The following DTNA variants were observed in gnomAD, a reference collection of about 807,000 sequenced individuals.
DTNA encodes the protein dystrophin-related protein 3.
Under a neutral mutation model 100.7 loss-of-function variants are expected in DTNA, and 43 were observed. The ratio of observed to expected loss-of-function variants is 0.43; its 90% CI spans 0.33 to 0.55. The LOEUF (loss-of-function observed/expected upper bound fraction) is 0.55, where lower values mean the gene tolerates loss of function less well. Among genes scored for constraint, DTNA ranks in the 20% least tolerant of loss-of-function variants. The pLI is 0.04. For synonymous variants in DTNA, 349 were observed against 347.9 expected (o/e 1.00, Z -0.04); for missense variants, 798 against 953.9 (o/e 0.84, Z 2.15).
rs2059013433 is a variant in DTNA, at chr18:34,639,374, A to G, written c.-1-116602A>G. On this transcript the variant is annotated intron_variant, in intron 1 of 19. Coordinates refer to the DTNA transcript ENST00000283365. ...TGCCAAGTGTCCTCTGGAGAGAAAC[A>G]GCAAAATTGCTCCTGGTTGAGACCC... Among the ~76,000 whole-genome samples, 3 of 152,226 alleles carry G rather than the reference A, an allele frequency of 2.0e-5. No individual in the cohort carries two copies. The South Asian group carries it at 6.2e-4, about 32-fold the overall frequency.
At chr18:34,679,086 T>C (rs16965755) in intron 1 of DTNA, among the ~76,000 whole-genome samples, 3,706 of 152,216 alleles carry the variant, frequency 0.024, 173 homozygotes, top group African/African-American at 0.085. Flanking sequence ...CCCAGAAAAC[T>C]ATCTACTTGG....
chr18:34,820,154 A>G (rs1191698181), intron 8 of DTNA, among the ~76,000 whole-genome samples: 1 of 152,034 alleles, frequency 6.6e-6, no homozygotes, highest in African/African-American at 2.4e-5. Flanking sequence ...TTAAATTCTG[A>G]AGACTCAGAT....
At chr18:34,683,308 A>G (rs1420967556) in intron 1 of DTNA, among the ~76,000 whole-genome samples, 3 of 152,178 alleles carry the variant, frequency 2.0e-5, no homozygotes, top group African/African-American at 4.8e-5. Flanking sequence ...TAACTAATCA[A>G]TTCACTCTGT....
chr18:34,649,847 A>C (rs1444256898), intron 1 of DTNA, among the ~76,000 whole-genome samples: 1 of 152,136 alleles, frequency 6.6e-6, no homozygotes, highest in African/African-American at 2.4e-5. Context: ...TCACTTCAAG[A>C]TTATGCTATA....
intron 1 of DTNA, among the ~76,000 whole-genome samples, chr18:34,611,175 A>C (rs2054141179): frequency 6.6e-6 from 1 of 152,174 alleles, no homozygotes; most frequent in Non-Finnish European, 1.5e-5. Flanking sequence ...AACTCCCACA[A>C]AAAAAAATTC....
At chr18:34,553,204 T>C (rs2045640938) in intron 1 of DTNA, among the ~76,000 whole-genome samples, 5 of 152,032 alleles carry the variant, frequency 3.3e-5, no homozygotes, top group Non-Finnish European at 7.4e-5. Context: ...TCATGTCTTT[T>C]GCCCACTTTT....
intron 17 of DTNA, among the ~76,000 whole-genome samples, chr18:34,869,431 C>A (rs549411812): frequency 6.6e-6 from 1 of 152,108 alleles, no homozygotes; most frequent in African/African-American, 2.4e-5. Flanking sequence ...TTGCTTTTAA[C>A]AGTAGAAAAA....
chr18:34,749,639 C>CAAAAAAAA (rs1232445254), intron 1 of DTNA, among the ~76,000 whole-genome samples: 25 of 75,072 alleles, frequency 3.3e-4, no homozygotes, highest in African/African-American at 1.1e-3. Context: ...CACCTCTCTC[C>CAAAAAAAA]AAAAAATAAT....
At chr18:34,759,401 A>G (rs2092992025) in intron 2 of DTNA, among the ~76,000 whole-genome samples, 1 of 152,132 alleles carries the variant, frequency 6.6e-6, no homozygotes, top group Non-Finnish European at 1.5e-5. Flanking sequence ...ACTGCTGTGA[A>G]CTCCTTTTTA....
At chr18:34,875,187 CAT>C in intron 17 of DTNA, 50 bp from the exon 18 acceptor site, 1 of 1,606,308 alleles carries the variant, frequency 6.2e-7, no homozygotes. Flanking sequence ...TTGGGGATGA[CAT>C]ATGACATTTT....
intron 1 of DTNA, among the ~76,000 whole-genome samples, chr18:34,499,921 GTTAC>G (rs1283462203): frequency 1.3e-5 from 2 of 151,952 alleles, no homozygotes; most frequent in Non-Finnish European, 2.9e-5. Flanking sequence ...TTATTTTGGG[GTTAC>G]TTATTCTTTG....
At chr18:34,611,642 G>A (rs1287301774) in intron 1 of DTNA, among the ~76,000 whole-genome samples, 1 of 152,068 alleles carries the variant, frequency 6.6e-6, no homozygotes, top group African/African-American at 2.4e-5. Flanking sequence ...TCTTAGAAGG[G>A]GCACAGGGGG....
chr18:34,666,194 G>C (rs2075899893), intron 1 of DTNA, among the ~76,000 whole-genome samples: 2 of 152,010 alleles, frequency 1.3e-5, no homozygotes, highest in African/African-American at 4.8e-5. Flanking sequence ...ATTTTTTCAT[G>C]TGTCTGTTGG....
intron 1 of DTNA, among the ~76,000 whole-genome samples, chr18:34,611,066 T>C (rs1339086050): frequency 1.3e-5 from 2 of 152,206 alleles, no homozygotes; most frequent in Non-Finnish European, 2.9e-5. Flanking sequence ...AAAGAGGAGA[T>C]TATTTTATTT....
At chr18:34,813,378 A>G (rs1017053205) in intron 6 of DTNA, among the ~76,000 whole-genome samples, 5 of 151,014 alleles carry the variant, frequency 3.3e-5, no homozygotes, top group African/African-American at 7.3e-5. Flanking sequence ...CTGAGGCAGG[A>G]GGATAGCTTA....
chr18:34,794,560 G>A (rs1602148659), intron 4 of DTNA, among the ~76,000 whole-genome samples: 1 of 152,082 alleles, frequency 6.6e-6, no homozygotes, highest in Non-Finnish European at 1.5e-5. Context: ...CCTGTGGTGC[G>A]ATTTAATGAA....
rs941856756 is a variant in DTNA, at chr18:34,818,158, C to T, written c.710-6C>T. On this transcript the variant is annotated splice_region_variant and splice_polypyrimidine_tract_variant and intron_variant, in intron 7 of 22. Coordinates refer to ENST00000444659, the MANE Select transcript of DTNA (RefSeq NM_001386795.1). ...CTTGGTTTTTCTTCACTTACTTCCCCCTTAGTCTTCCATCCGGTTGAGTGT... is the reference window on the plus strand; with the variant it reads ...CTTGGTTTTTCTTCACTTACTTCCCTCTTAGTCTTCCATCCGGTTGAGTGT... 6.2e-7 allele frequency: 1 copy of T among 1,613,816 alleles called. No homozygotes were observed. Among genetic ancestry groups the T allele is most frequent in the Non-Finnish European group, 8.5e-7 (1 of 1,179,872 alleles).
intron 1 of DTNA, among the ~76,000 whole-genome samples, chr18:34,537,555 A>G (rs777838636): frequency 1.3e-5 from 2 of 152,030 alleles, no homozygotes; most frequent in Non-Finnish European, 2.9e-5. Flanking sequence ...CATATTCTCT[A>G]CAAAGAAAGT....
At chr18:34,551,567 C>T (rs554904472) in intron 1 of DTNA, among the ~76,000 whole-genome samples, 1 of 152,132 alleles carries the variant, frequency 6.6e-6, no homozygotes, top group Non-Finnish European at 1.5e-5. Flanking sequence ...GAAAAGAAAA[C>T]CCAGGGAACT....
Sources: gnomAD v4.1 joint callset for allele counts (sites outside exome capture counted in the v4.1 genomes callset) on GRCh38, gnomAD v4.1.1 for gene constraint, MANE v1.5 for transcripts, NCBI Gene and HGNC (gene_info 2026-07-23, HGNC 2026-07-21) for gene names.